Variants in MAP3K7 observed in about 807,000 individuals in gnomAD.
The protein encoded by MAP3K7 is mitogen-activated protein kinase kinase kinase 7.
Under a neutral mutation model 84.8 loss-of-function variants are expected in MAP3K7, and 21 were observed. That is an observed-to-expected ratio of 0.25 (90% confidence interval 0.18 to 0.36). The LOEUF (loss-of-function observed/expected upper bound fraction) is 0.36, where lower values mean the gene tolerates loss of function less well. Ranked by LOEUF, MAP3K7 falls within the 10% of genes least tolerant of loss-of-function variation. MAP3K7 has a pLI of 1.00. For missense variants in MAP3K7, 503 were observed against 747.7 expected (o/e 0.67, Z 3.82); for synonymous variants, 241 against 247.7 (o/e 0.97, Z 0.25).
At chr6:90,518,826 G>C (rs895733142) in intron 15 of MAP3K7, among the ~76,000 whole-genome samples, 5 of 151,680 alleles carry the variant, frequency 3.3e-5, no homozygotes, top group Admixed American at 2.6e-4. Flanking sequence ...GACATTTCAG[G>C]CTGCAAACAG....
At chr6:90,565,112 A>T (rs1479594865) in intron 3 of MAP3K7, among the ~76,000 whole-genome samples, 1 of 152,242 alleles carries the variant, frequency 6.6e-6, no homozygotes, top group African/African-American at 2.4e-5. Context: ...AGCAGGAAAG[A>T]TCTAAAATTG....
chr6:90,533,459 C>T (rs1177306741), intron 13 of MAP3K7, among the ~76,000 whole-genome samples: 2 of 152,094 alleles, frequency 1.3e-5, no homozygotes, highest in Non-Finnish European at 2.9e-5. Context: ...TTTGGGGAAA[C>T]TCAAAGGAAG....
chr6:90,542,429 C>T, intron 12 of MAP3K7: 3 of 984,456 alleles, frequency 3.0e-6, no homozygotes, highest in Non-Finnish European at 3.6e-6. Flanking sequence ...AATAGCACTG[C>T]TGCTCTGGCA....
chr6:90,552,219 T>C (rs775832776), intron 7 of MAP3K7, 40 bp from the exon 8 acceptor site: 6 of 1,567,618 alleles, frequency 3.8e-6, no homozygotes, highest in Non-Finnish European at 4.4e-6. Context: ...AGAATGTATT[T>C]ACCCAAAGAA....
intron 3 of MAP3K7, among the ~76,000 whole-genome samples, chr6:90,562,711 CT>C (rs1318238999): frequency 6.6e-6 from 1 of 152,202 alleles, no homozygotes; most frequent in Non-Finnish European, 1.5e-5. Flanking sequence ...TGTCTGACAG[CT>C]TTGAAGAGAG....
chr6:90,558,805 A>G (rs1011705645), intron 5 of MAP3K7, among the ~76,000 whole-genome samples: 1 of 152,228 alleles, frequency 6.6e-6, no homozygotes, highest in African/African-American at 2.4e-5. Flanking sequence ...ATAACTAATC[A>G]TTTATTCCAA....
chr6:90,554,166 C>T (rs1487023845), intron 6 of MAP3K7, among the ~76,000 whole-genome samples: 4 of 152,118 alleles, frequency 2.6e-5, no homozygotes, highest in African/African-American at 7.2e-5. Context: ...TCTGGCCTCC[C>T]GAGGCGCTGG....
chr6:90,545,423 TATG>T (rs1380362755), intron 11 of MAP3K7, among the ~76,000 whole-genome samples: 4 of 152,128 alleles, frequency 2.6e-5, no homozygotes, highest in African/African-American at 9.7e-5. Context: ...TGACTAGAAA[TATG>T]ATACTAGCGA....
At chr6:90,556,838 T>C (rs1040029857) in intron 5 of MAP3K7, among the ~76,000 whole-genome samples, 1 of 152,160 alleles carries the variant, frequency 6.6e-6, no homozygotes, top group Non-Finnish European at 1.5e-5. Context: ...CTAGCTCTCT[T>C]TGGAAGGCTG....
chr6:90,522,441 C>T (rs190696758), intron 14 of MAP3K7, among the ~76,000 whole-genome samples: 110 of 152,190 alleles, frequency 7.2e-4, no homozygotes, highest in Middle Eastern at 3.4e-3. Context: ...AACGTACTCC[C>T]TTGCCAGGGG....
At position 90,587,017 on chromosome 6, in the gene MAP3K7, G is replaced by A; in HGVS notation, c.-134C>T. Reference sequence around the variant, plus strand: ...CCTACTACCCGGCGATCCGTGGCGGGGGTAGAGGCAGCGGCCACAGCCGTG... The same window carrying A: ...CCTACTACCCGGCGATCCGTGGCGGAGGTAGAGGCAGCGGCCACAGCCGTG... On this transcript the variant is annotated 5_prime_UTR_variant, in exon 1 of 17. Coordinates refer to ENST00000369329, the MANE Select transcript of MAP3K7 (RefSeq NM_145331.3). 2 of 1,118,678 alleles carry A rather than the reference G, an allele frequency of 1.8e-6. No homozygotes were observed. Among genetic ancestry groups the A allele is most frequent in the East Asian group, 3.2e-5 (1 of 31,084 alleles). 69.3% of individuals were successfully genotyped at this position (1,118,678 alleles called of 1,614,324 possible).
At chr6:90,563,971 C>T (rs1479805358) in intron 3 of MAP3K7, among the ~76,000 whole-genome samples, 2 of 152,140 alleles carry the variant, frequency 1.3e-5, no homozygotes, top group Non-Finnish European at 2.9e-5. Context: ...CCAAACTAAG[C>T]TTCATAGGTG....
intron 3 of MAP3K7, among the ~76,000 whole-genome samples, chr6:90,566,914 C>T (rs1776725987): frequency 6.6e-6 from 1 of 152,142 alleles, no homozygotes; most frequent in Admixed American, 6.5e-5. Flanking sequence ...TACCATACAT[C>T]TACAACCATC....
At chr6:90,586,091 G>A (rs942319386) in intron 1 of MAP3K7, among the ~76,000 whole-genome samples, 1 of 152,096 alleles carries the variant, frequency 6.6e-6, no homozygotes, top group Non-Finnish European at 1.5e-5. Flanking sequence ...CATTACGTCC[G>A]GCCGGGCCCG....
chr6:90,527,154 C>T (rs1202721438), intron 13 of MAP3K7, among the ~76,000 whole-genome samples: 1 of 152,154 alleles, frequency 6.6e-6, no homozygotes, highest in African/African-American at 2.4e-5. Context: ...GATTAAAGGA[C>T]AAAACCTCAA....
chr6:90,569,801 C>T (rs1006810802), intron 2 of MAP3K7, among the ~76,000 whole-genome samples: 3 of 151,996 alleles, frequency 2.0e-5, no homozygotes, highest in Non-Finnish European at 2.9e-5. Flanking sequence ...TAATGCATCC[C>T]GCTCCACAGC....
intron 13 of MAP3K7, among the ~76,000 whole-genome samples, chr6:90,529,101 C>CA (rs1562081616): frequency 6.6e-6 from 1 of 152,156 alleles, no homozygotes; most frequent in Non-Finnish European, 1.5e-5. Context: ...CAGTGTACTG[C>CA]AGGCAAAATG....
intron 14 of MAP3K7, among the ~76,000 whole-genome samples, chr6:90,522,254 A>G (rs1775176268): frequency 6.6e-6 from 1 of 152,158 alleles, no homozygotes; most frequent in South Asian, 2.1e-4. Flanking sequence ...TAGAAGCAAC[A>G]TATGAGGCAG....
intron 6 of MAP3K7, among the ~76,000 whole-genome samples, chr6:90,555,410 C>G (rs953273748): frequency 5.9e-5 from 9 of 152,082 alleles, no homozygotes; most frequent in African/African-American, 2.2e-4. Flanking sequence ...CGCCCGCCAC[C>G]ACGCCCGGCG....
Sources: allele counts gnomAD v4.1 joint callset (sites outside exome capture counted in the v4.1 genomes callset), GRCh38; gene constraint gnomAD v4.1.1; transcripts MANE v1.5; gene names NCBI Gene and HGNC (gene_info 2026-07-23, HGNC 2026-07-21).